The following KCNK1 variants were observed in gnomAD, a reference collection of about 807,000 sequenced individuals.
KCNK1 encodes the protein potassium channel subfamily K member 1.
Under a neutral mutation model 22.2 loss-of-function variants are expected in KCNK1, and 10 were observed. That is an observed-to-expected ratio of 0.45 (90% CI 0.28 to 0.76). KCNK1 has a LOEUF of 0.76. Ranked by LOEUF, KCNK1 falls within the 30% of genes least tolerant of loss-of-function variation. KCNK1 has a pLI of 0.14. For missense variants in KCNK1, 378 were observed against 421.0 expected, an observed-to-expected ratio of 0.90 and a Z score of 0.89; for synonymous variants, 200 against 186.4, an observed-to-expected ratio of 1.07 and a Z score of -0.60.
At chr1:233,638,728 C>T (rs1231196344) in intron 1 of KCNK1, among the ~76,000 whole-genome samples, 1 of 152,178 alleles carries the variant, frequency 6.6e-6, no homozygotes, top group Non-Finnish European at 1.5e-5. Flanking sequence ...GTGATGAGCA[C>T]TCCAGCTCTG....
At position 233,621,587 on chromosome 1, in the gene KCNK1, TAAG is replaced by T. The variant is rs1182763649; in HGVS notation, c.355+7065_355+7067del. Among the ~76,000 whole-genome samples the T allele has an allele frequency of 2.6e-5, 4 of 152,248 alleles. No individual in the cohort carries two copies. The East Asian group carries it at 5.8e-4, about 22-fold the overall frequency. On this transcript the variant is annotated intron_variant, in intron 1 of 2. Coordinates refer to ENST00000366621, the MANE Select transcript of KCNK1 (RefSeq NM_002245.4). ...AAAAATATCTCAACATGTTTCTACT[TAAG>T]AAGGCAGGGAAGTGTATAATAAATT...
chr1:233,635,772 G>A (rs936756944), intron 1 of KCNK1, among the ~76,000 whole-genome samples: 1 of 152,088 alleles, frequency 6.6e-6, no homozygotes, highest in African/African-American at 2.4e-5. Flanking sequence ...TTCCTGCTAT[G>A]TAATATCTAT....
At chr1:233,641,455 T>A (rs1001747604) in intron 1 of KCNK1, among the ~76,000 whole-genome samples, 3 of 152,204 alleles carry the variant, frequency 2.0e-5, no homozygotes, top group Admixed American at 1.3e-4. Flanking sequence ...GATGTACAAT[T>A]AAGATTGCTT....
chr1:233,664,077 G>A (rs981309892), intron 1 of KCNK1, among the ~76,000 whole-genome samples: 6 of 152,154 alleles, frequency 3.9e-5, no homozygotes, highest in East Asian at 1.9e-4. Flanking sequence ...TGATCCGCCC[G>A]CCTCGCCCTC....
At chr1:233,651,145 G>A (rs532684241) in intron 1 of KCNK1, among the ~76,000 whole-genome samples, 9 of 152,272 alleles carry the variant, frequency 5.9e-5, no homozygotes, top group Admixed American at 2.0e-4. Context: ...GTCATCCAGC[G>A]TTTGCCCCCA....
intron 1 of KCNK1, among the ~76,000 whole-genome samples, chr1:233,664,907 T>C (rs1287384773): frequency 1.3e-5 from 2 of 151,178 alleles, no homozygotes; most frequent in South Asian, 4.2e-4. Flanking sequence ...TTAAAAAAAA[T>C]GTATTTAGCT....
chr1:233,657,448 C>T (rs1658316996), intron 1 of KCNK1, among the ~76,000 whole-genome samples: 1 of 152,138 alleles, frequency 6.6e-6, no homozygotes, highest in African/African-American at 2.4e-5. Flanking sequence ...CCCGCAGTAA[C>T]CTAGCAAGAC....
intron 1 of KCNK1, among the ~76,000 whole-genome samples, chr1:233,627,873 T>C (rs534690921): frequency 5.9e-5 from 9 of 152,360 alleles, no homozygotes; most frequent in African/African-American, 2.2e-4. Flanking sequence ...AAAGCAATAT[T>C]TGCTCTTTCA....
chr1:233,625,933 A>G (rs1657681330), intron 1 of KCNK1, among the ~76,000 whole-genome samples: 1 of 152,090 alleles, frequency 6.6e-6, no homozygotes, highest in African/African-American at 2.4e-5. Flanking sequence ...CAGATGCTGT[A>G]GGATGTCCTA....
intron 1 of KCNK1, among the ~76,000 whole-genome samples, chr1:233,648,553 T>C (rs1658142935): frequency 6.6e-6 from 1 of 151,994 alleles, no homozygotes; most frequent in African/African-American, 2.4e-5. Context: ...CTTTCTTTCT[T>C]GCTTGCTTGC....
intron 1 of KCNK1, chr1:233,636,639 C>G (rs79466767): frequency 0.015 from 2,313 of 152,580 alleles, 31 homozygotes; most frequent in African/African-American, 0.044. Flanking sequence ...AGTGGAGATG[C>G]AGAGGAAGAA....
chr1:233,640,616 C>T (rs767889810), intron 1 of KCNK1, among the ~76,000 whole-genome samples: 2 of 152,136 alleles, frequency 1.3e-5, no homozygotes, highest in Admixed American at 1.3e-4. Context: ...TAAGTAAGTA[C>T]TCCTGTAAAT....
intron 1 of KCNK1, among the ~76,000 whole-genome samples, chr1:233,654,203 G>C (rs1006384730): frequency 6.6e-6 from 1 of 152,000 alleles, no homozygotes; most frequent in Non-Finnish European, 1.5e-5. Flanking sequence ...CATCGGGGTG[G>C]GGGGGAAAGG....
intron 1 of KCNK1, among the ~76,000 whole-genome samples, chr1:233,652,445 AC>A (rs1658218964): frequency 1.3e-5 from 2 of 151,930 alleles, no homozygotes; most frequent in South Asian, 2.1e-4. Context: ...AAACTATTTA[AC>A]CCCCTAGTCT....
At chr1:233,614,690 C>G (rs1390688533) in intron 1 of KCNK1, among the ~76,000 whole-genome samples, 164 bp downstream of exon 1, 2 of 151,498 alleles carry the variant, frequency 1.3e-5, no homozygotes, top group Non-Finnish European at 2.9e-5. Context: ...CCCGACCCTC[C>G]GACCTTCCCC....
chr1:233,663,728 T>C (rs1262561975), intron 1 of KCNK1, among the ~76,000 whole-genome samples: 1 of 152,140 alleles, frequency 6.6e-6, no homozygotes, highest in Non-Finnish European at 1.5e-5. Context: ...TCTCTTGCAG[T>C]TTCTGTTTGA....
intron 1 of KCNK1, among the ~76,000 whole-genome samples, chr1:233,628,209 A>G (rs1424088640): frequency 6.6e-6 from 1 of 152,164 alleles, no homozygotes; most frequent in South Asian, 2.1e-4. Flanking sequence ...TGGCAAATCA[A>G]ATTGTCATCG....
intron 1 of KCNK1, among the ~76,000 whole-genome samples, chr1:233,647,296 A>G (rs1658116388): frequency 6.6e-6 from 1 of 152,174 alleles, no homozygotes; most frequent in Non-Finnish European, 1.5e-5. Context: ...TTCTGGTTTA[A>G]TGAATCACAG....
At chr1:233,648,029 T>G (rs1000987204) in intron 1 of KCNK1, among the ~76,000 whole-genome samples, 1 of 152,248 alleles carries the variant, frequency 6.6e-6, no homozygotes, top group African/African-American at 2.4e-5. Flanking sequence ...TTCCAAAAAT[T>G]TAATTCTTCC....
Sources: allele counts gnomAD v4.1 joint callset (sites outside exome capture counted in the v4.1 genomes callset), GRCh38; gene constraint gnomAD v4.1.1; transcripts MANE v1.5; gene names NCBI Gene and HGNC (gene_info 2026-07-23, HGNC 2026-07-21).